CFAP276: variants seen among roughly 807,000 people sequenced by gnomAD.
The protein encoded by CFAP276 is cilia- and flagella-associated protein 276.
the CFAP276 span, chr1:109,107,018 C>T: frequency 1.2e-6 from 2 of 1,613,284 alleles, no homozygotes; most frequent in Admixed American, 3.3e-5. Context: ...TATAGGTATC[C>T]TGCGTGGTTT....
the CFAP276 span, among the ~76,000 whole-genome samples, chr1:109,110,829 T>C: frequency 2.0e-5 from 3 of 152,172 alleles, no homozygotes; most frequent in Non-Finnish European, 1.5e-5. Context: ...TTGATGTTTC[T>C]CAACATCTTT....
the CFAP276 span, among the ~76,000 whole-genome samples, chr1:109,111,708 A>G: frequency 6.6e-6 from 1 of 152,044 alleles, no homozygotes; most frequent in African/African-American, 2.4e-5. Flanking sequence ...TTTGCCTTGC[A>G]TATCTGGTTC....
chr1:109,107,039 C>G, the CFAP276 span: 1 of 1,614,172 alleles, frequency 6.2e-7, no homozygotes. Flanking sequence ...TCTGGTTTAA[C>G]AGTATCTCAC....
At chr1:109,112,455 G>T in the CFAP276 span, 2 of 1,211,336 alleles carry the variant, frequency 1.7e-6, no homozygotes, top group Non-Finnish European at 2.2e-6. Context: ...ATGGAGATAG[G>T]GAGGCAGGCA....
the CFAP276 span, among the ~76,000 whole-genome samples, chr1:109,109,082 A>G: frequency 6.6e-6 from 1 of 152,142 alleles, no homozygotes; most frequent in African/African-American, 2.4e-5. Flanking sequence ...CACACTACCT[A>G]ACACATGGTA....
the CFAP276 span, chr1:109,107,114 C>T: frequency 6.2e-7 from 1 of 1,613,940 alleles, no homozygotes. Context: ...CCAGGTCATC[C>T]TTTGGTATCT....
At chr1:109,107,242 C>T in the CFAP276 span, 2 of 728,292 alleles carry the variant, frequency 2.7e-6, no homozygotes, top group Non-Finnish European at 4.8e-6. Context: ...GCCTGAAATC[C>T]ACCAACTCCG....
At chr1:109,106,182 A>G in the CFAP276 span, 1 of 1,190,398 alleles carries the variant, frequency 8.4e-7, no homozygotes, top group Non-Finnish European at 1.2e-6. Flanking sequence ...ATACATTTGT[A>G]GGTACTGTGG....
At chr1:109,112,780 G>C in the CFAP276 span, 1 of 1,494,884 alleles carries the variant, frequency 6.7e-7, no homozygotes, top group South Asian at 1.3e-5. Context: ...TGGAGCGCTG[G>C]TTTCGGTTGC....
At chr1:109,113,523 C>G in the CFAP276 span, 1 of 984,346 alleles carries the variant, frequency 1.0e-6, no homozygotes, top group Non-Finnish European at 1.5e-6. Flanking sequence ...CGCTTAAACT[C>G]GGATCAACTA....
the CFAP276 span, chr1:109,106,663 G>C: frequency 1.2e-6 from 2 of 1,613,746 alleles, no homozygotes; most frequent in East Asian, 4.5e-5. Context: ...CTTGGTTCTA[G>C]AAGAAGGCAT....
At chr1:109,109,986 C>G in the CFAP276 span, among the ~76,000 whole-genome samples, 3 of 152,174 alleles carry the variant, frequency 2.0e-5, no homozygotes, top group African/African-American at 7.2e-5. Context: ...TCCTCCCACT[C>G]TCCTTGAAGA....
chr1:109,107,131 G>C, the CFAP276 span: 1 of 1,610,578 alleles, frequency 6.2e-7, no homozygotes, highest in African/African-American at 1.3e-5. Flanking sequence ...ATCTACAGAA[G>C]TCAGTCCCCC....
chr1:109,109,675 T>C, the CFAP276 span, among the ~76,000 whole-genome samples: 1 of 151,312 alleles, frequency 6.6e-6, no homozygotes. Flanking sequence ...TAGCTAGGAT[T>C]ACAGGCATGT....
At chr1:109,106,685 G>A in the CFAP276 span, 1 of 1,609,224 alleles carries the variant, frequency 6.2e-7, no homozygotes, top group South Asian at 1.1e-5. Context: ...GGGAAGAAAA[G>A]TGGAGAGTGA....
At chr1:109,108,298 A>T in the CFAP276 span, among the ~76,000 whole-genome samples, 2 of 152,258 alleles carry the variant, frequency 1.3e-5, no homozygotes, top group East Asian at 3.9e-4. Context: ...ATGTGCCACT[A>T]TGCCCGGCTA....
At chr1:109,107,380 T>C in the CFAP276 span, among the ~76,000 whole-genome samples, 2 of 152,206 alleles carry the variant, frequency 1.3e-5, no homozygotes, top group Non-Finnish European at 2.9e-5. Context: ...TAATGAACTT[T>C]ACCTCATTCA....
chr1:109,106,042 A>C, the CFAP276 span: 1 of 1,613,612 alleles, frequency 6.2e-7, no homozygotes, highest in Non-Finnish European at 8.5e-7. Context: ...GTGGAGAAGA[A>C]GCCACCATCT....
chr1:109,105,992 A>G, the CFAP276 span: 2 of 1,543,444 alleles, frequency 1.3e-6, no homozygotes, highest in South Asian at 2.3e-5. Flanking sequence ...GGGCCGCAGT[A>G]TGTTTCACTA....
Sources: gnomAD v4.1 joint callset for allele counts (sites outside exome capture counted in the v4.1 genomes callset) on GRCh38, gnomAD v4.1.1 for gene constraint, MANE v1.5 for transcripts, NCBI Gene and HGNC (gene_info 2026-07-23, HGNC 2026-07-21) for gene names.